Variants in PRDM10 observed in about 807,000 individuals in gnomAD.
The protein encoded by PRDM10 is PR domain zinc finger protein 10.
Under a neutral mutation model 133.1 loss-of-function variants are expected in PRDM10, and 65 were observed. The ratio of observed to expected loss-of-function variants is 0.49; its 90% confidence interval spans 0.40 to 0.60. The LOEUF is 0.60. Among genes scored for constraint, PRDM10 ranks in the 20% least tolerant of loss-of-function variants. PRDM10 has a pLI of 0.00. For synonymous variants in PRDM10, 582 were observed against 580.4 expected (o/e 1.00, Z -0.04); for missense variants, 1,137 against 1,507.1 (o/e 0.75, Z 4.07).
chr11:129,917,021 C>G, intron 15 of PRDM10, 106 bp downstream of exon 15: 1 of 699,408 alleles, frequency 1.4e-6, no homozygotes, highest in East Asian at 3.0e-5. Context: ...AGGTAACCAT[C>G]TGGTAAGAGT....
chr11:129,910,526 G>C lies in PRDM10; in HGVS notation c.3113C>G (p.Ser1038Cys), dbSNP rs1400273941. The C allele has an allele frequency of 6.2e-7, 1 of 1,614,018 alleles. No homozygotes were observed. Among genetic ancestry groups the C allele is most frequent in the Non-Finnish European group, 8.5e-7 (1 of 1,180,026 alleles). ...QQQQQQQQNS[S>C]VQHTYLPSAW... ...ACTGGGCAGGTACGTGTGCTGCACA[G>C]AGGAATTCTGCTGCTGCTGCTGCTG... Residue 1038 changes from serine to cysteine, a missense_variant, in exon 19 of 21, where the codon TCT (serine) becomes TGT (cysteine). Coordinates refer to ENST00000360871, the MANE Select transcript of PRDM10 (RefSeq NM_199437.2).
chr11:129,934,019 G>A (rs533792694), intron 9 of PRDM10, among the ~76,000 whole-genome samples: 130 of 152,296 alleles, frequency 8.5e-4, no homozygotes, highest in African/African-American at 3.1e-3. Context: ...CTGCCTTGAT[G>A]TTCTCTCCCC....
intron 19 of PRDM10, among the ~76,000 whole-genome samples, chr11:129,909,524 T>C (rs985794069): frequency 2.0e-5 from 3 of 151,490 alleles, no homozygotes; most frequent in African/African-American, 4.9e-5. Context: ...AGCAAATCTA[T>C]GTAACATAGC....
At chr11:129,984,030 C>T (rs967218589) in intron 1 of PRDM10, among the ~76,000 whole-genome samples, 1 of 152,194 alleles carries the variant, frequency 6.6e-6, no homozygotes, top group Non-Finnish European at 1.5e-5. Context: ...TTGGAATGAA[C>T]TTTGGATTCT....
intron 18 of PRDM10, 139 bp downstream of exon 18, chr11:129,911,946 A>T: frequency 8.7e-7 from 1 of 1,147,276 alleles, no homozygotes; most frequent in Non-Finnish European, 1.2e-6. Context: ...TTGGAGGCAA[A>T]GGTAAGATCC....
chr11:129,920,342 G>C (rs1305062781), intron 13 of PRDM10, among the ~76,000 whole-genome samples: 1 of 152,090 alleles, frequency 6.6e-6, no homozygotes, highest in Non-Finnish European at 1.5e-5. Context: ...CCTAAGTCGT[G>C]CTTTTTGGTA....
rs185469882 is a variant in PRDM10 at position 129,923,820 on chromosome 11, C to T, written c.1879-417G>A. ...ATAGGAAGACAAAAACCAATTCTTC[C>T]TTACTTTTCTCCGTCTTTAATCTGC... On this transcript the variant is annotated intron_variant, in intron 12 of 20. Transcript: ENST00000360871. The surrounding 1 kb of genome is among the most constrained non-coding windows in gnomAD (Gnocchi z 4.4). Among the ~76,000 whole-genome samples the T allele has an allele frequency of 6.6e-6, 1 of 152,348 alleles. No individual in the cohort carries two copies. The highest frequency in any genetic ancestry group is 1.5e-5 in the Non-Finnish European group (1 of 68,032).
intron 13 of PRDM10, among the ~76,000 whole-genome samples, chr11:129,920,891 G>C (rs1347903828): frequency 6.6e-6 from 1 of 151,942 alleles, no homozygotes; most frequent in South Asian, 2.1e-4. Context: ...TCCGCCTCCC[G>C]GGTTCAAGTG....
chr11:129,986,718 G>A (rs941877552), intron 1 of PRDM10, among the ~76,000 whole-genome samples: 2 of 152,086 alleles, frequency 1.3e-5, no homozygotes, highest in African/African-American at 2.4e-5. Flanking sequence ...CTCTAGGGTC[G>A]GGGGCCTGGA....
At chr11:129,991,141 A>T (rs1938720105) in intron 1 of PRDM10, among the ~76,000 whole-genome samples, 1 of 152,218 alleles carries the variant, frequency 6.6e-6, no homozygotes, top group African/African-American at 2.4e-5. Context: ...GTGGCTCAAT[A>T]GTATAGAGTA....
chr11:129,917,139 C>T lies in PRDM10; in HGVS notation c.2313G>A (p.Gln771=). The part of the protein sequence containing the change: ...IIKPNRDYFC[Q]YCDKVYKSAS... ...ATTTCCCTTTTACCTTATCGCAATA[C>T]TGACAAAAGTAATCACGATTGGGTT... The change falls in exon 15 of 21, where the codon CAG becomes CAA. Residue 771 remains glutamine, a synonymous_variant. Transcript: ENST00000360871. The T allele has an allele frequency of 1.2e-6, 2 of 1,609,708 alleles. No individual in the cohort carries two copies. The highest frequency in any genetic ancestry group is 1.7e-6 in the Non-Finnish European group (2 of 1,176,108).
intron 1 of PRDM10, among the ~76,000 whole-genome samples, chr11:129,990,698 C>A (rs1003757114): frequency 6.6e-6 from 1 of 152,074 alleles, no homozygotes; most frequent in Non-Finnish European, 1.5e-5. Flanking sequence ...CTCTAACTCC[C>A]GGCCTCAAAG....
rs771890350 is a variant in PRDM10 at position 129,932,058 on chromosome 11, T to C, written c.1287+44A>G. ...GTCTCGTCAGGGATCTGGCGAGTCCTCCACACAAGCACCTAAGGAGGGCTC... is the reference window on the plus strand; with the variant it reads ...GTCTCGTCAGGGATCTGGCGAGTCCCCCACACAAGCACCTAAGGAGGGCTC... On this transcript the variant is annotated intron_variant, in intron 10 of 20. Coordinates refer to ENST00000360871, the MANE Select transcript of PRDM10 (RefSeq NM_199437.2). 6 of 1,592,234 alleles carry C rather than the reference T, an allele frequency of 3.8e-6. No individual in the cohort carries two copies. The South Asian group carries it at 6.7e-5, about 18-fold the overall frequency.
At chr11:129,944,305 G>A (rs563952036) in intron 6 of PRDM10, among the ~76,000 whole-genome samples, 2 of 152,188 alleles carry the variant, frequency 1.3e-5, no homozygotes, top group South Asian at 4.1e-4. Flanking sequence ...CACTAAAATT[G>A]CAATCTCGGC....
chr11:129,963,051 A>C (rs1048020591), intron 1 of PRDM10, among the ~76,000 whole-genome samples: 1 of 151,604 alleles, frequency 6.6e-6, no homozygotes, highest in African/African-American at 2.4e-5. Context: ...TGGGAGTCTG[A>C]GGTGGAAGGA....
chr11:129,943,626 A>C (rs1327504877), intron 6 of PRDM10, among the ~76,000 whole-genome samples: 1 of 152,132 alleles, frequency 6.6e-6, no homozygotes, highest in Non-Finnish European at 1.5e-5. Flanking sequence ...TTGAGAGCCC[A>C]AGGCAGGAAG....
chr11:129,953,296 GTGTTT>G (rs974087896), intron 4 of PRDM10, among the ~76,000 whole-genome samples: 4 of 151,698 alleles, frequency 2.6e-5, no homozygotes, highest in Admixed American at 6.6e-5. Flanking sequence ...TGTGTGTTTT[GTGTTT>G]TGTTTTGTTT....
At position 129,914,454 on chromosome 11, in the gene PRDM10, C is replaced by G. The variant is rs996295754; in HGVS notation, c.2841+250G>C. 2.1e-4 allele frequency: 121 copies of G among 568,036 alleles called. 1 individual carries two copies. The East Asian group carries it at 3.8e-3, about 18-fold the overall frequency. 35.2% of individuals were successfully genotyped at this position (568,036 alleles called of 1,614,324 possible). Reference sequence around the variant, plus strand: ...AGAAACAGGTGCTGTGGCTACTGTCCTGCCACAGCACAGGAGGCTTGTATA... The same window carrying G: ...AGAAACAGGTGCTGTGGCTACTGTCGTGCCACAGCACAGGAGGCTTGTATA... On this transcript the variant is annotated intron_variant, in intron 17 of 20. Transcript: ENST00000360871.
At chr11:129,995,188 A>G (rs1482588400) in intron 1 of PRDM10, among the ~76,000 whole-genome samples, 1 of 152,196 alleles carries the variant, frequency 6.6e-6, no homozygotes, top group East Asian at 1.9e-4. Context: ...GTCCGGAATA[A>G]TTTTCAATTC....
Sources: gnomAD v4.1 joint callset for allele counts (sites outside exome capture counted in the v4.1 genomes callset) on GRCh38, gnomAD v4.1.1 for gene constraint, Gnocchi (gnomAD v3.1) non-coding constraint, MANE v1.5 for transcripts, NCBI Gene and HGNC (gene_info 2026-07-23, HGNC 2026-07-21) for gene names.